EXOC4: variants seen among roughly 807,000 people sequenced by gnomAD.
The protein encoded by EXOC4 is exocyst complex component 4, also known as SEC8-like 1.
A neutral mutation model predicts 107.2 loss-of-function variants in EXOC4; 71 were observed. That is an observed-to-expected ratio of 0.66 (90% CI 0.55 to 0.81). The LOEUF (loss-of-function observed/expected upper bound fraction) is 0.81, where lower values mean the gene tolerates loss of function less well. EXOC4 is among the 30% of genes least tolerant of loss of function. The pLI is 0.00. For synonymous variants in EXOC4, 456 were observed against 441.2 expected, an observed-to-expected ratio of 1.03 and a Z score of -0.42; for missense variants, 1,108 against 1,189.6, an observed-to-expected ratio of 0.93 and a Z score of 1.01.
chr7:133,441,638 C>T (rs1196847842), intron 7 of EXOC4, among the ~76,000 whole-genome samples: 1 of 152,094 alleles, frequency 6.6e-6, no homozygotes, highest in Non-Finnish European at 1.5e-5. Context: ...AGCAATTCAC[C>T]CACCTCGGCC....
intron 10 of EXOC4, among the ~76,000 whole-genome samples, chr7:133,801,399 A>T (rs1254128986): frequency 1.3e-5 from 2 of 152,166 alleles, no homozygotes; most frequent in Non-Finnish European, 2.9e-5. Flanking sequence ...GAAGATTCAG[A>T]TTGACTAAAT....
intron 7 of EXOC4, among the ~76,000 whole-genome samples, chr7:133,393,563 A>T (rs1796901971): frequency 6.6e-6 from 1 of 152,146 alleles, no homozygotes; most frequent in South Asian, 2.1e-4. Context: ...GTATTTGGAG[A>T]TGGAGGCTTT....
chr7:133,900,297 G>T (rs17167335), intron 12 of EXOC4, among the ~76,000 whole-genome samples: 17,186 of 152,168 alleles, frequency 0.11, 1,077 homozygotes, highest in Middle Eastern at 0.15. Context: ...AGAAAATATG[G>T]CAAGATAGGT....
intron 10 of EXOC4, among the ~76,000 whole-genome samples, chr7:133,710,827 A>G (rs1794876269): frequency 6.6e-6 from 1 of 151,846 alleles, no homozygotes; most frequent in Admixed American, 6.6e-5. Context: ...TTGACATGAT[A>G]CTTTTTGCCA....
In EXOC4 at chr7:133,475,405, C is replaced by T. The variant is rs1272717030; in HGVS notation, c.1260C>T (p.Ser420=). The change falls in exon 8 of 18, where the codon AGC becomes AGT. Residue 420 remains serine, a synonymous_variant. Coordinates refer to ENST00000253861, the MANE Select transcript of EXOC4 (RefSeq NM_021807.4). ...CATCAGCTCAACTAAGCTATGCCAG[C>T]ACTGGACGAGAGTTTGCAGCCTTTT... The part of the protein sequence containing the change: ...SEPSAQLSYA[S]TGREFAAFFA... 1 of 1,614,046 alleles carries T rather than the reference C, an allele frequency of 6.2e-7. No individual in the cohort carries two copies. The highest frequency in any genetic ancestry group is 1.1e-5 in the South Asian group (1 of 91,080).
intron 7 of EXOC4, among the ~76,000 whole-genome samples, chr7:133,447,848 T>C (rs553110791): frequency 5.7e-4 from 87 of 152,204 alleles, no homozygotes; most frequent in Admixed American, 8.5e-4. Context: ...AAAAAACTAA[T>C]GACTCAAGTC....
intron 5 of EXOC4, among the ~76,000 whole-genome samples, chr7:133,320,022 G>C (rs1026492702): frequency 2.0e-5 from 3 of 151,970 alleles, no homozygotes; most frequent in African/African-American, 7.3e-5. Flanking sequence ...TTTATTATCA[G>C]TCCCATTTTA....
chr7:133,612,849 C>T (rs1409347855), intron 9 of EXOC4, among the ~76,000 whole-genome samples: 4 of 152,292 alleles, frequency 2.6e-5, no homozygotes, highest in African/African-American at 9.6e-5. Flanking sequence ...AAGTTTTAGA[C>T]ATGAACAACT....
At chr7:134,080,743 C>A in the EXOC4 span, among the ~76,000 whole-genome samples, 1 of 151,772 alleles carries the variant, frequency 6.6e-6, no homozygotes, top group Non-Finnish European at 1.5e-5. Flanking sequence ...AGTTCAAGAC[C>A]AGCCCAGGCA....
chr7:133,922,803 T>C (rs1963840), intron 13 of EXOC4, among the ~76,000 whole-genome samples: 70,384 of 151,036 alleles, frequency 0.47, 17,650 homozygotes, highest in African/African-American at 0.65. Context: ...GAGCCAAGAT[T>C]GCACCACTGC....
chr7:133,382,398 T>C (rs147972986), intron 7 of EXOC4, among the ~76,000 whole-genome samples: 580 of 152,168 alleles, frequency 3.8e-3, no homozygotes, highest in African/African-American at 0.013. Flanking sequence ...TACTGGGGAA[T>C]AGAAAAAAAT....
At chr7:133,409,639 T>C (rs186424443) in intron 7 of EXOC4, among the ~76,000 whole-genome samples, 132 of 152,344 alleles carry the variant, frequency 8.7e-4, no homozygotes, top group Middle Eastern at 3.4e-3. Context: ...GTGGAAAATA[T>C]TAACAATTGA....
chr7:133,794,344 T>TGAATTCC (rs1189618922), intron 10 of EXOC4, among the ~76,000 whole-genome samples: 1 of 152,186 alleles, frequency 6.6e-6, no homozygotes, highest in Non-Finnish European at 1.5e-5. Context: ...TCTCTCCTGG[T>TGAATTCC]TTAAGTGGTG....
At chr7:133,935,088 G>A (rs972366754) in intron 13 of EXOC4, among the ~76,000 whole-genome samples, 4 of 151,604 alleles carry the variant, frequency 2.6e-5, no homozygotes, top group Non-Finnish European at 4.4e-5. Flanking sequence ...TATTGTCTGG[G>A]ACTGCACTAT....
chr7:133,686,492 A>T (rs1343150802), intron 10 of EXOC4, among the ~76,000 whole-genome samples: 1 of 152,132 alleles, frequency 6.6e-6, no homozygotes, highest in Non-Finnish European at 1.5e-5. Flanking sequence ...GTTTTGTCTG[A>T]CGTCCTTCCT....
chr7:133,782,283 G>A (rs1004013684), intron 10 of EXOC4, among the ~76,000 whole-genome samples: 3 of 152,092 alleles, frequency 2.0e-5, no homozygotes, highest in African/African-American at 7.2e-5. Flanking sequence ...AGTCATTCAG[G>A]GATCCAAAGT....
At position 133,638,573 on chromosome 7, in the gene EXOC4, G is replaced by A. The variant is rs139085210; in HGVS notation, c.1514+8432G>A. 3.7e-3 allele frequency among the ~76,000 whole-genome samples: 570 copies of A among 152,210 alleles called. 5 individuals carry two copies. Among genetic ancestry groups the A allele is most frequent in the African/African-American group, 0.013 (531 of 41,544 alleles). ...GAGACTCATGGAGGGGTTGTTAGAC[G>A]AATGCCACCCCTCCCTACCATATAG... On this transcript the variant is annotated intron_variant, in intron 10 of 17. Coordinates refer to ENST00000253861, the MANE Select transcript of EXOC4 (RefSeq NM_021807.4).
intron 17 of EXOC4, among the ~76,000 whole-genome samples, chr7:134,019,168 G>C (rs1430768987): frequency 6.6e-6 from 1 of 152,174 alleles, no homozygotes. Context: ...GACCTCAAGT[G>C]ATCTGCCTGC....
intron 10 of EXOC4, among the ~76,000 whole-genome samples, chr7:133,764,900 C>T (rs1796104806): frequency 6.6e-6 from 1 of 151,914 alleles, no homozygotes; most frequent in African/African-American, 2.4e-5. Flanking sequence ...GTTTTAAGCC[C>T]CAGTTGTGCC....
Sources: gnomAD v4.1 joint callset for allele counts (sites outside exome capture counted in the v4.1 genomes callset) on GRCh38, gnomAD v4.1.1 for gene constraint, MANE v1.5 for transcripts, NCBI Gene and HGNC (gene_info 2026-07-23, HGNC 2026-07-21) for gene names.